The following CADPS variants were observed in gnomAD, a reference collection of about 807,000 sequenced individuals.
The protein encoded by CADPS is calcium-dependent secretion activator 1.
A neutral mutation model predicts 167.3 loss-of-function variants in CADPS; 57 were observed. The ratio of observed to expected loss-of-function variants is 0.34; its 90% confidence interval spans 0.28 to 0.42. CADPS has a LOEUF of 0.42. Among genes scored for constraint, CADPS ranks in the 20% least tolerant of loss-of-function variants. The probability of loss-of-function intolerance (pLI) is 1.00; values close to 1 mark genes in which losing one functional copy is unlikely to be tolerated. For missense variants in CADPS, 1,414 were observed against 1,738.1 expected, an observed-to-expected ratio of 0.81 and a Z score of 3.32; for synonymous variants, 676 against 635.3, an observed-to-expected ratio of 1.06 and a Z score of -0.96.
rs373634292 is a variant in CADPS at position 62,438,206 on chromosome 3, G to A, written c.3675C>T (p.Pro1225=). 6.2e-7 allele frequency: 1 copy of A among 1,612,418 alleles called. No homozygotes were observed. Among genetic ancestry groups the A allele is most frequent in the African/African-American group, 1.3e-5 (1 of 74,798 alleles). The change falls in exon 28 of 30, where the codon CCC becomes CCT. Residue 1225 remains proline (P), a synonymous_variant. Transcript: ENST00000383710. The surrounding 1 kb of genome is among the most constrained non-coding windows in gnomAD (Gnocchi z 4.7). ...CGTAGGCGTCGGCCACGTCCATCCCGGGTTTCTGTAAAGAAACAGGAAAAC... is the reference window on the plus strand; with the variant it reads ...CGTAGGCGTCGGCCACGTCCATCCCAGGTTTCTGTAAAGAAACAGGAAAAC... ...AASKYVDVPK[P]GMDVADAYVT...
At chr3:62,426,864 G>A (rs1306495828) in intron 28 of CADPS, among the ~76,000 whole-genome samples, 6 of 151,076 alleles carry the variant, frequency 4.0e-5, no homozygotes, top group Non-Finnish European at 7.4e-5. Flanking sequence ...TCAGGAGATC[G>A]AGACCATACT....
intron 6 of CADPS, among the ~76,000 whole-genome samples, chr3:62,612,985 A>G (rs2061706423): frequency 6.6e-6 from 1 of 152,180 alleles, no homozygotes. Flanking sequence ...ACAAACAAGA[A>G]TGACAGGAGT....
chr3:62,399,218 A>T lies in CADPS; in HGVS notation c.*188T>A, dbSNP rs1436708591. On this transcript the variant is annotated 3_prime_UTR_variant, in exon 30 of 30. Coordinates refer to ENST00000383710, the MANE Select transcript of CADPS (RefSeq NM_003716.4). This position sits in a 1 kb window ranked among gnomAD's most constrained non-coding sequence, Gnocchi z 5.6. The stretch of plus-strand genomic sequence containing the variant: ...TGCTTGTAAACATATAGACATGGAC[A>T]TCAGGAAATCAGTGGATATGAAGGT... 2.8e-5 allele frequency: 16 copies of T among 576,872 alleles called. No individual in the cohort carries two copies. The highest frequency in any genetic ancestry group is 4.3e-5 in the Non-Finnish European group (14 of 322,768). The allele number at this position is 576,872 out of a possible 1,614,324, so 35.7% of individuals were successfully genotyped here.
Position 62,567,585 on chromosome 3 carries a change from T to C in CADPS, c.1644+3287A>G, listed in dbSNP as rs1201214858. 5.8e-5 allele frequency among the ~76,000 whole-genome samples: 8 copies of C among 138,346 alleles called. No individual in the cohort carries two copies. In the East Asian group the frequency reaches 1.7e-3, roughly 30 times the overall value. 90.8% of individuals were successfully genotyped at this position (138,346 alleles called of 152,430 possible). The stretch of plus-strand genomic sequence containing the variant: ...ACTGCTTTTTTTTTTTTTTTTTTTT[T>C]TTTTTTTTTTTTAGAGTCTCACTCT... On this transcript the variant is annotated intron_variant, in intron 9 of 29. Coordinates refer to ENST00000383710, the MANE Select transcript of CADPS (RefSeq NM_003716.4).
intron 1 of CADPS, among the ~76,000 whole-genome samples, chr3:62,824,036 C>CT (rs1360308002): frequency 3.3e-5 from 5 of 151,932 alleles, no homozygotes; most frequent in Non-Finnish European, 2.9e-5. Flanking sequence ...CTGAAATAAT[C>CT]TCACATCAAG....
At chr3:62,666,328 G>A (rs989380291) in intron 3 of CADPS, among the ~76,000 whole-genome samples, 6 of 152,120 alleles carry the variant, frequency 3.9e-5, no homozygotes, top group East Asian at 1.9e-4. Flanking sequence ...CCATCCTCGC[G>A]TGAGGAGCTT....
intron 1 of CADPS, among the ~76,000 whole-genome samples, chr3:62,846,074 TC>T (rs1440626599): frequency 1.3e-5 from 2 of 152,034 alleles, no homozygotes; most frequent in African/African-American, 2.4e-5. Context: ...TCTCTCTCTC[TC>T]TCTCTCTCCT....
At chr3:62,728,918 C>T (rs1018659842) in intron 3 of CADPS, among the ~76,000 whole-genome samples, 2 of 151,736 alleles carry the variant, frequency 1.3e-5, no homozygotes, top group Non-Finnish European at 2.9e-5. Context: ...ATCCGGAATC[C>T]CTCAAAAAAC....
chr3:62,413,451 A>C (rs569698734), intron 28 of CADPS, among the ~76,000 whole-genome samples: 1 of 152,330 alleles, frequency 6.6e-6, no homozygotes, highest in Non-Finnish European at 1.5e-5. Flanking sequence ...CTTAAAAAGG[A>C]AGGAAATCCT....
At position 62,499,176 on chromosome 3, in the gene CADPS, C is replaced by A; in HGVS notation, c.2692G>T (p.Glu898Ter). ...LVIEVLQQNEEHHAEPHVDKG... is the reference protein window; with the variant it reads ...LVIEVLQQNE Reference sequence around the variant, plus strand: ...AGCCTGCTCACCTCTGCGTGGTGCTCCTCATTTTGCTGAAGAACTTCAATG... The same window carrying A: ...AGCCTGCTCACCTCTGCGTGGTGCTACTCATTTTGCTGAAGAACTTCAATG... The change falls in exon 18 of 30, where the codon GAG becomes TAG. Residue 898 changes from glutamate (E) to a stop codon, truncating the protein, a stop_gained. Transcript: ENST00000383710. LOFTEE classifies it high-confidence loss of function. 2 of 1,611,606 alleles carry A rather than the reference C, an allele frequency of 1.2e-6. No homozygotes were observed. The highest frequency in any genetic ancestry group is 2.2e-5 in the South Asian group (2 of 91,006).
At chr3:62,511,086 A>G (rs1021280852) in intron 17 of CADPS, among the ~76,000 whole-genome samples, 2 of 152,056 alleles carry the variant, frequency 1.3e-5, no homozygotes, top group Non-Finnish European at 2.9e-5. Context: ...AACAGCCTTC[A>G]ATGACTCTTC....
At chr3:62,405,046 C>A (rs1256467815) in intron 28 of CADPS, among the ~76,000 whole-genome samples, 1 of 150,756 alleles carries the variant, frequency 6.6e-6, no homozygotes, top group Non-Finnish European at 1.5e-5. Context: ...ATTCTGGCAG[C>A]CCTACCTTAC....
At chr3:62,697,007 C>A (rs1420199988) in intron 3 of CADPS, among the ~76,000 whole-genome samples, 2 of 152,086 alleles carry the variant, frequency 1.3e-5, no homozygotes, top group Non-Finnish European at 2.9e-5. Flanking sequence ...AGAGATGTAG[C>A]AAGGCAGTCA....
chr3:62,418,487 ATTTTTTT>A (rs5849477), intron 28 of CADPS, among the ~76,000 whole-genome samples: 50 of 88,878 alleles, frequency 5.6e-4, no homozygotes, highest in Middle Eastern at 0.016. Context: ...ACCATGCCCT[ATTTTTTT>A]TTTTTTTTTT....
At chr3:62,419,415 A>C (rs539390092) in intron 28 of CADPS, among the ~76,000 whole-genome samples, 1 of 152,240 alleles carries the variant, frequency 6.6e-6, no homozygotes, top group East Asian at 1.9e-4. Flanking sequence ...CCATCCTCTC[A>C]AAGGAACTTA....
At chr3:62,604,032 G>A (rs1309002977) in intron 6 of CADPS, among the ~76,000 whole-genome samples, 1 of 151,470 alleles carries the variant, frequency 6.6e-6, no homozygotes, top group Non-Finnish European at 1.5e-5. Flanking sequence ...GGGTTTCACT[G>A]TGTTAGCCAG....
intron 10 of CADPS, among the ~76,000 whole-genome samples, chr3:62,555,206 T>G (rs1031995493): frequency 1.3e-5 from 2 of 152,242 alleles, no homozygotes; most frequent in African/African-American, 2.4e-5. Context: ...AAGAACATAA[T>G]TGATTTACAT....
At chr3:62,400,763 C>G (rs374491816) in intron 29 of CADPS, among the ~76,000 whole-genome samples, 2 of 152,082 alleles carry the variant, frequency 1.3e-5, no homozygotes, top group East Asian at 3.9e-4. Context: ...CCATGCCCAA[C>G]TAATTTTTGT....
intron 1 of CADPS, among the ~76,000 whole-genome samples, chr3:62,853,059 T>C (rs1427938502): frequency 1.3e-5 from 2 of 152,186 alleles, no homozygotes; most frequent in Non-Finnish European, 2.9e-5. Flanking sequence ...AAGCAGTGGC[T>C]CAAATGCTTT....
Sources: gnomAD v4.1 joint callset for allele counts (sites outside exome capture counted in the v4.1 genomes callset) on GRCh38, gnomAD v4.1.1 for gene constraint, Gnocchi (gnomAD v3.1) non-coding constraint, MANE v1.5 for transcripts, NCBI Gene and HGNC (gene_info 2026-07-23, HGNC 2026-07-21) for gene names.